The following LRRC4C variants were observed in gnomAD, a reference collection of about 807,000 sequenced individuals.
The protein encoded by LRRC4C is leucine-rich repeat-containing protein 4C.
In LRRC4C, 5 loss-of-function variants were observed where a neutral mutation model predicts 33.6. The ratio of observed to expected loss-of-function variants is 0.15; its 90% CI spans 0.08 to 0.31. LRRC4C has a LOEUF of 0.31. LRRC4C is among the 10% of genes least tolerant of loss of function. LRRC4C has a pLI of 1.00. For synonymous variants in LRRC4C, 329 were observed against 302.0 expected (o/e 1.09, Z -0.93); for missense variants, 560 against 796.7 (o/e 0.70, Z 3.58).
rs185437439 is a variant in LRRC4C, at chr11:41,062,936, A to C, written c.-495-129213T>G. On this transcript the variant is annotated intron_variant, in intron 1 of 6. Coordinates refer to ENST00000528697, the MANE Select transcript of LRRC4C (RefSeq NM_001258419.2). ...TTCTAGCAACCACCAGAAATGAGAGAGAGAGAGAGAGAGAGTGAGCCTGCT... is the reference window on the plus strand; with the variant it reads ...TTCTAGCAACCACCAGAAATGAGAGCGAGAGAGAGAGAGAGTGAGCCTGCT... Among the ~76,000 whole-genome samples the C allele has an allele frequency of 2.0e-3, 307 of 152,250 alleles. 1 individual carries two copies. Among genetic ancestry groups the C allele is most frequent in the South Asian group, 7.9e-3 (38 of 4,818 alleles).
intron 2 of LRRC4C, among the ~76,000 whole-genome samples, chr11:40,730,975 T>C (rs879277229): frequency 1.3e-5 from 2 of 152,188 alleles, no homozygotes; most frequent in Non-Finnish European, 1.5e-5. Flanking sequence ...AATCTCATGG[T>C]GTGATCCACT....
intron 1 of LRRC4C, among the ~76,000 whole-genome samples, chr11:41,226,403 A>C (rs928185618): frequency 6.6e-6 from 1 of 152,168 alleles, no homozygotes; most frequent in African/African-American, 2.4e-5. Context: ...GCAACAACAA[A>C]GATAACCAAA....
chr11:40,635,420 T>C (rs1480880562), intron 3 of LRRC4C, among the ~76,000 whole-genome samples: 1 of 152,150 alleles, frequency 6.6e-6, no homozygotes, highest in Non-Finnish European at 1.5e-5. Flanking sequence ...ATGATGCTCA[T>C]TGTTGAAGCC....
chr11:40,978,776 C>A (rs375091772), intron 1 of LRRC4C, among the ~76,000 whole-genome samples: 2 of 151,904 alleles, frequency 1.3e-5, no homozygotes, highest in African/African-American at 4.8e-5. Flanking sequence ...TGCCCACAAC[C>A]ATGCCCGGCT....
intron 1 of LRRC4C, among the ~76,000 whole-genome samples, chr11:41,146,426 A>G (rs1052292616): frequency 2.0e-5 from 3 of 152,188 alleles, no homozygotes; most frequent in Non-Finnish European, 2.9e-5. Context: ...TTCCTTGACT[A>G]TATTTAGAAT....
At chr11:40,469,079 G>C (rs72897067) in intron 3 of LRRC4C, among the ~76,000 whole-genome samples, 21,402 of 152,226 alleles carry the variant, frequency 0.14, 1,584 homozygotes, top group Non-Finnish European at 0.15. Flanking sequence ...GAAAAAGGGA[G>C]GCCATAGGGC....
chr11:40,257,496 C>G (rs1198494128), intron 4 of LRRC4C, among the ~76,000 whole-genome samples: 1 of 152,136 alleles, frequency 6.6e-6, no homozygotes, highest in South Asian at 2.1e-4. Context: ...TGTCTTCCCT[C>G]CTCCATGTGG....
intron 1 of LRRC4C, among the ~76,000 whole-genome samples, chr11:41,261,677 C>T (rs1948986133): frequency 6.6e-6 from 1 of 152,074 alleles, no homozygotes; most frequent in Admixed American, 6.6e-5. Flanking sequence ...CTTCATTCCT[C>T]GAACTCTAGT....
At position 40,505,251 on chromosome 11, in the gene LRRC4C, C is replaced by T. The variant is rs530788042; in HGVS notation, c.-270+142891G>A. On this transcript the variant is annotated intron_variant, in intron 3 of 6. Transcript: ENST00000528697. ...TGGGTGGGTATGGCTTATGCTTTCT[C>T]TGATGCACAAATTTCCATTGGCTCC... Among the ~76,000 whole-genome samples the T allele has an allele frequency of 2.0e-3, 309 of 152,278 alleles. 1 individual carries two copies. The highest frequency in any genetic ancestry group is 3.6e-3 in the Non-Finnish European group (245 of 68,022).
intron 1 of LRRC4C, among the ~76,000 whole-genome samples, chr11:41,453,958 T>C (rs1956104178): frequency 6.6e-6 from 1 of 152,096 alleles, no homozygotes; most frequent in Non-Finnish European, 1.5e-5. Flanking sequence ...CTAACTCTCC[T>C]AGAATCAAAT....
intron 1 of LRRC4C, among the ~76,000 whole-genome samples, chr11:41,441,462 C>T (rs554365912): frequency 6.6e-6 from 1 of 151,770 alleles, no homozygotes; most frequent in Admixed American, 6.6e-5. Context: ...GGTTTATCAG[C>T]CACCCCAAAG....
intron 1 of LRRC4C, among the ~76,000 whole-genome samples, chr11:41,116,698 C>T (rs1241456053): frequency 6.6e-6 from 1 of 152,040 alleles, no homozygotes. Flanking sequence ...TAAAACCCTC[C>T]ATTAATTTGA....
chr11:40,875,031 A>G (rs1490343697), intron 2 of LRRC4C, among the ~76,000 whole-genome samples: 2 of 152,204 alleles, frequency 1.3e-5, no homozygotes, highest in African/African-American at 4.8e-5. Context: ...TCAGCCTAGT[A>G]AATAATAAAG....
chr11:40,663,549 C>T (rs1487006653), intron 2 of LRRC4C, among the ~76,000 whole-genome samples: 1 of 152,028 alleles, frequency 6.6e-6, no homozygotes, highest in Non-Finnish European at 1.5e-5. Context: ...ACAGCAACAA[C>T]AAATACACAG....
intron 3 of LRRC4C, among the ~76,000 whole-genome samples, chr11:40,576,967 C>CT (rs1319274574): frequency 2.0e-5 from 3 of 152,102 alleles, no homozygotes; most frequent in Admixed American, 2.0e-4. Context: ...TAGTTCCCTT[C>CT]TTATAGATTT....
At chr11:40,563,438 C>T (rs761101675) in intron 3 of LRRC4C, among the ~76,000 whole-genome samples, 16 of 152,138 alleles carry the variant, frequency 1.1e-4, no homozygotes, top group South Asian at 2.1e-4. Flanking sequence ...CCTACAAGGA[C>T]GGTGGAGTGG....
At chr11:40,537,130 C>G (rs370217277) in intron 3 of LRRC4C, among the ~76,000 whole-genome samples, 10 of 152,060 alleles carry the variant, frequency 6.6e-5, no homozygotes, top group African/African-American at 2.4e-4. Context: ...CCTTCAATAA[C>G]AAAAAATGGC....
intron 1 of LRRC4C, among the ~76,000 whole-genome samples, chr11:40,945,687 G>A (rs1396710213): frequency 6.6e-6 from 1 of 152,074 alleles, no homozygotes; most frequent in Non-Finnish European, 1.5e-5. Context: ...TGAAAAGTGG[G>A]GAGCAATGGA....
chr11:41,283,965 G>T (rs1025161625), intron 1 of LRRC4C, among the ~76,000 whole-genome samples: 1 of 152,126 alleles, frequency 6.6e-6, no homozygotes, highest in African/African-American at 2.4e-5. Flanking sequence ...CATGCTTACA[G>T]CACTGCTCTG....
Sources: gnomAD v4.1 joint callset for allele counts (sites outside exome capture counted in the v4.1 genomes callset) on GRCh38, gnomAD v4.1.1 for gene constraint, MANE v1.5 for transcripts, NCBI Gene and HGNC (gene_info 2026-07-23, HGNC 2026-07-21) for gene names.